The following LYPLAL1 variants were observed in gnomAD, a reference collection of about 807,000 sequenced individuals.
The protein encoded by LYPLAL1 is lysophospholipase-like protein 1.
LYPLAL1 carries 23 observed loss-of-function variants against 19.7 expected under a neutral mutation model. The ratio of observed to expected loss-of-function variants is 1.17; its 90% CI spans 0.84 to 1.65. The LOEUF (loss-of-function observed/expected upper bound fraction) is 1.65. Among genes scored for constraint, LYPLAL1 ranks in the 40% most tolerant of loss-of-function variants. The probability of loss-of-function intolerance (pLI) is 0.00; values close to 1 mark genes in which losing one functional copy is unlikely to be tolerated. For synonymous variants in LYPLAL1, 119 were observed against 96.3 expected (o/e 1.24, Z -1.38); for missense variants, 355 against 279.4 (o/e 1.27, Z -1.93).
the LYPLAL1 span, among the ~76,000 whole-genome samples, chr1:219,299,516 C>T: frequency 1.3e-5 from 2 of 151,920 alleles, no homozygotes; most frequent in South Asian, 2.1e-4. Flanking sequence ...TAATAGGTAA[C>T]GGGGTGGTGT....
At chr1:219,432,344 A>G in the LYPLAL1 span, among the ~76,000 whole-genome samples, 2 of 152,176 alleles carry the variant, frequency 1.3e-5, no homozygotes, top group South Asian at 4.2e-4. Context: ...ACATTCCTGG[A>G]GGATTCAAAG....
At chr1:219,323,349 A>G in the LYPLAL1 span, among the ~76,000 whole-genome samples, 59 of 152,228 alleles carry the variant, frequency 3.9e-4, no homozygotes, top group Non-Finnish European at 7.6e-4. Context: ...ACTTCCTGTC[A>G]ATAGTCCTGG....
At chr1:219,411,192 G>A in the LYPLAL1 span, among the ~76,000 whole-genome samples, 19 of 121,864 alleles carry the variant, frequency 1.6e-4, no homozygotes, top group African/African-American at 5.6e-4. Flanking sequence ...CCTGTGTTTA[G>A]CTCAAGGTTT....
chr1:219,174,990 T>A, intron 1 of LYPLAL1: 1 of 985,432 alleles, frequency 1.0e-6, no homozygotes, highest in Middle Eastern at 5.2e-4. Context: ...TGTCAGACTT[T>A]TCGAAGAAAG....
chr1:219,256,197 G>A, the LYPLAL1 span, among the ~76,000 whole-genome samples: 7 of 151,746 alleles, frequency 4.6e-5, no homozygotes, highest in East Asian at 1.9e-4. Flanking sequence ...ATCTTTTTGC[G>A]GAGATTATTG....
chr1:219,424,543 G>T, the LYPLAL1 span, among the ~76,000 whole-genome samples: 1 of 152,166 alleles, frequency 6.6e-6, no homozygotes, highest in East Asian at 1.9e-4. Context: ...CAACGAGATT[G>T]TCAGAGGATA....
At chr1:219,243,461 G>A in the LYPLAL1 span, among the ~76,000 whole-genome samples, 1 of 152,258 alleles carries the variant, frequency 6.6e-6, no homozygotes, top group African/African-American at 2.4e-5. Flanking sequence ...TAAAGGAAGA[G>A]CAGGTTTATT....
the LYPLAL1 span, among the ~76,000 whole-genome samples, chr1:219,428,319 T>A: frequency 6.6e-6 from 1 of 152,236 alleles, no homozygotes; most frequent in Admixed American, 6.5e-5. Flanking sequence ...AACTCGAGTT[T>A]TGCCAGGGAA....
chr1:219,273,724 T>G, the LYPLAL1 span, among the ~76,000 whole-genome samples: 1 of 152,204 alleles, frequency 6.6e-6, no homozygotes. Flanking sequence ...TTTTGTCCTC[T>G]TTCTGTGACT....
At chr1:219,234,388 A>G in the LYPLAL1 span, among the ~76,000 whole-genome samples, 1 of 152,174 alleles carries the variant, frequency 6.6e-6, no homozygotes, top group Non-Finnish European at 1.5e-5. Context: ...AGAGCCTAAA[A>G]CCAAATAAAC....
At chr1:219,355,113 G>A in the LYPLAL1 span, among the ~76,000 whole-genome samples, 1 of 152,120 alleles carries the variant, frequency 6.6e-6, no homozygotes, top group Non-Finnish European at 1.5e-5. Context: ...AAATCTTTCT[G>A]CAATGATGGA....
chr1:219,198,810 G>GATAT lies in LYPLAL1; in HGVS notation c.361+5561_361+5564dup, dbSNP rs951813756. ...TGAACTAATTTCAGACATTTCCTATGATATAGTTGGTTAAGTTGAAAAAAA... is the reference window on the plus strand; with the variant it reads ...TGAACTAATTTCAGACATTTCCTATGATATATATAGTTGGTTAAGTTGAAAAAAA... On this transcript the variant is annotated intron_variant, in intron 3 of 4. Coordinates refer to ENST00000366928, the MANE Select transcript of LYPLAL1 (RefSeq NM_138794.5). 4.6e-5 allele frequency: 7 copies of GATAT among 152,230 alleles called. 1 individual carries two copies. The highest frequency in any genetic ancestry group is 3.3e-4 in the Admixed American group (5 of 15,300). 9.4% of individuals were successfully genotyped at this position (152,230 alleles called of 1,614,324 possible). A position where few individuals can be genotyped will look rare whatever the true frequency, so the allele number is the denominator to read the frequency against.
the LYPLAL1 span, among the ~76,000 whole-genome samples, chr1:219,366,628 G>A: frequency 6.6e-6 from 1 of 152,192 alleles, no homozygotes. Flanking sequence ...AGCTTTAGCT[G>A]TGAAAACGTA....
the LYPLAL1 span, among the ~76,000 whole-genome samples, chr1:219,389,774 A>G: frequency 3.3e-5 from 5 of 152,168 alleles, no homozygotes; most frequent in African/African-American, 7.2e-5. Flanking sequence ...GGTTTTTGCC[A>G]TTACTTTTAG....
chr1:219,309,569 A>G, the LYPLAL1 span, among the ~76,000 whole-genome samples: 1 of 152,094 alleles, frequency 6.6e-6, no homozygotes, highest in Admixed American at 6.5e-5. Context: ...TGAATCATGG[A>G]GGAGGTGTCC....
At chr1:219,266,787 C>T in the LYPLAL1 span, among the ~76,000 whole-genome samples, 3 of 152,036 alleles carry the variant, frequency 2.0e-5, no homozygotes, top group African/African-American at 7.2e-5. Context: ...GGACCACTGT[C>T]CTATATGCAG....
In LYPLAL1 at chr1:219,212,416, A is replaced by C. The variant is rs540934849; in HGVS notation, c.*688A>C. On this transcript the variant is annotated 3_prime_UTR_variant, in exon 5 of 5. Transcript: ENST00000366928. ...TGGATTTTTGTTGAGATTTAAATAA[A>C]TAGCCAAAAGCCAATACATAATAAA... 6.6e-6 allele frequency: 1 copy of C among 152,068 alleles called. No homozygotes were observed. The highest frequency in any genetic ancestry group is 1.9e-4 in the East Asian group (1 of 5,188). 9.4% of individuals were successfully genotyped at this position (152,068 alleles called of 1,614,324 possible). A position where few individuals can be genotyped will look rare whatever the true frequency, so the allele number is the denominator to read the frequency against.
the LYPLAL1 span, among the ~76,000 whole-genome samples, chr1:219,399,459 G>A: frequency 7.9e-5 from 12 of 152,188 alleles, no homozygotes; most frequent in African/African-American, 2.9e-4. Context: ...TGCCACAGAA[G>A]TGGCAGGTCA....
the LYPLAL1 span, among the ~76,000 whole-genome samples, chr1:219,288,584 T>C: frequency 6.6e-6 from 1 of 152,176 alleles, no homozygotes. Flanking sequence ...TGAATACATA[T>C]TATTATACAT....
Sources: allele counts gnomAD v4.1 joint callset (sites outside exome capture counted in the v4.1 genomes callset), GRCh38; gene constraint gnomAD v4.1.1; transcripts MANE v1.5; gene names NCBI Gene and HGNC (gene_info 2026-07-23, HGNC 2026-07-21).